Variants in AHI1 observed in about 807,000 individuals in gnomAD.
AHI1 encodes jouberin.
AHI1 carries 123 observed loss-of-function variants against 149.3 expected under a neutral mutation model. That is an observed-to-expected ratio of 0.82 (90% confidence interval 0.71 to 0.96). The LOEUF is 0.96. Among genes scored for constraint, AHI1 ranks in the 40% least tolerant of loss-of-function variants. The pLI, the probability that AHI1 is intolerant of heterozygous loss-of-function variation, is 0.00. For missense variants in AHI1, 1,439 were observed against 1,422.7 expected (o/e 1.01, Z -0.18); for synonymous variants, 475 against 459.8 (o/e 1.03, Z -0.42).
chr6:135,469,090 A>ATAT (rs1791279119), intron 5 of AHI1, among the ~76,000 whole-genome samples: 1 of 152,238 alleles, frequency 6.6e-6, no homozygotes, highest in Admixed American at 6.5e-5. Context: ...TCCCTGACGA[A>ATAT]CACTGATGCA....
chr6:135,470,509 T>C (rs528048472), intron 5 of AHI1, among the ~76,000 whole-genome samples: 238 of 152,254 alleles, frequency 1.6e-3, no homozygotes, highest in South Asian at 8.9e-3. Flanking sequence ...TAAAGATACA[T>C]GCATGCGTAT....
intron 24 of AHI1, among the ~76,000 whole-genome samples, chr6:135,335,966 AG>A (rs1789309053): frequency 6.6e-6 from 1 of 152,010 alleles, no homozygotes; most frequent in Non-Finnish European, 1.5e-5. Flanking sequence ...TAGAAAAATT[AG>A]CTGGGCGTGG....
chr6:135,438,336 CA>C, intron 15 of AHI1, 38 bp downstream of exon 15: 1 of 1,513,216 alleles, frequency 6.6e-7, no homozygotes, highest in East Asian at 2.4e-5. Context: ...TCCTTGACAG[CA>C]AACAGCATGC....
chr6:135,475,601 C>A (rs1053517342), intron 5 of AHI1, among the ~76,000 whole-genome samples: 1 of 152,118 alleles, frequency 6.6e-6, no homozygotes, highest in Non-Finnish European at 1.5e-5. Flanking sequence ...CCCACATAGC[C>A]CTCTACACAA....
At chr6:135,466,932 T>A (rs984102164) in intron 6 of AHI1, among the ~76,000 whole-genome samples, 1 of 151,992 alleles carries the variant, frequency 6.6e-6, no homozygotes, top group Non-Finnish European at 1.5e-5. Context: ...TGTACCTCCT[T>A]CCCCAATTAA....
Position 135,404,967 on chromosome 6 carries a change from CG to C in AHI1, c.2971del (p.Arg991ValfsTer26). The C allele has an allele frequency of 6.2e-7, 1 of 1,607,580 alleles. No individual in the cohort carries two copies. The highest frequency in any genetic ancestry group is 1.1e-5 in the South Asian group (1 of 90,880). On this transcript the variant is annotated frameshift_variant, in exon 22 of 29. Transcript: ENST00000265602. LOFTEE classifies it high-confidence loss of function. ...QRLETVTEVIRSCAAKVNKNL... is the reference protein window; with the variant it reads ...QRLETVTEVIXSCAAKVNKNL... Reference sequence around the variant, plus strand: ...ACTACTTACTTTTGCAGCACAGGAACGTATCACCTCCTAAAAGAAATACAAT... The same window carrying C: ...ACTACTTACTTTTGCAGCACAGGAACTATCACCTCCTAAAAGAAATACAAT...
chr6:135,332,837 G>C (rs527960369), intron 24 of AHI1, among the ~76,000 whole-genome samples: 3 of 152,198 alleles, frequency 2.0e-5, no homozygotes, highest in African/African-American at 7.2e-5. Context: ...TTCTCCCCCC[G>C]TTCCTTCTCT....
chr6:135,301,974 T>C, intron 26 of AHI1: 1 of 984,920 alleles, frequency 1.0e-6, no homozygotes, highest in Non-Finnish European at 1.2e-6. Context: ...GCAGTCAAAT[T>C]AAATGTGAAA....
rs1789163229 is a variant in AHI1, at chr6:135,457,500, T to C, written c.1145A>G (p.Asp382Gly). 3 of 1,608,382 alleles carry C rather than the reference T, an allele frequency of 1.9e-6. No individual in the cohort carries two copies. The highest frequency in any genetic ancestry group is 2.6e-6 in the Non-Finnish European group (3 of 1,176,238). ...TGCAATTAAAAAAAATTACCTATCA[T>C]CTTTCTTGACATATTGACCAGTATG... ...DEHTGQYVKKDDSGRPVSSYY... is the reference protein window; with the variant it reads ...DEHTGQYVKKGDSGRPVSSYY... Residue 382 changes from aspartate to glycine, a missense_variant, in exon 9 of 29, where the codon GAT becomes GGT. Coordinates refer to ENST00000265602, the MANE Select transcript of AHI1 (RefSeq NM_001134831.2).
intron 23 of AHI1, among the ~76,000 whole-genome samples, chr6:135,359,432 C>A (rs114642827): frequency 0.026 from 3,999 of 152,140 alleles, 153 homozygotes; most frequent in African/African-American, 0.089. Flanking sequence ...GTAATAAAAT[C>A]TTTAAGGTAA....
At chr6:135,422,987 C>A (rs1225360434) in intron 20 of AHI1, among the ~76,000 whole-genome samples, 1 of 152,094 alleles carries the variant, frequency 6.6e-6, no homozygotes, top group African/African-American at 2.4e-5. Context: ...TAGCTTAATG[C>A]ACTGAGAACA....
chr6:135,341,591 T>C (rs1008742822), intron 24 of AHI1, among the ~76,000 whole-genome samples: 13 of 151,966 alleles, frequency 8.6e-5, no homozygotes, highest in African/African-American at 3.1e-4. Context: ...TAAAACTTAT[T>C]TAAATAAATA....
At chr6:135,354,991 T>C (rs541614629) in intron 24 of AHI1, among the ~76,000 whole-genome samples, 150 of 152,302 alleles carry the variant, frequency 9.8e-4, no homozygotes, top group African/African-American at 3.2e-3. Flanking sequence ...TCTGCAATAC[T>C]AAACGCCAGA....
At chr6:135,345,948 A>G (rs982950547) in intron 24 of AHI1, among the ~76,000 whole-genome samples, 1 of 152,246 alleles carries the variant, frequency 6.6e-6, no homozygotes, top group Non-Finnish European at 1.5e-5. Flanking sequence ...TCCATGTCAG[A>G]GAAGACAACC....
At chr6:135,402,830 AAT>A (rs1443688076) in intron 22 of AHI1, among the ~76,000 whole-genome samples, 3 of 152,106 alleles carry the variant, frequency 2.0e-5, no homozygotes, top group African/African-American at 4.8e-5. Context: ...TAACACATAA[AAT>A]ATGTGTTAAC....
At chr6:135,353,384 C>T (rs957589749) in intron 24 of AHI1, among the ~76,000 whole-genome samples, 3 of 151,984 alleles carry the variant, frequency 2.0e-5, no homozygotes, top group African/African-American at 7.2e-5. Context: ...CCCATTCACC[C>T]CAGTTTACAT....
At chr6:135,447,360 G>A (rs1480533365) in intron 12 of AHI1, among the ~76,000 whole-genome samples, 200 bp from the exon 13 acceptor site, 1 of 151,984 alleles carries the variant, frequency 6.6e-6, no homozygotes, top group Non-Finnish European at 1.5e-5. Flanking sequence ...TAACCAAAAA[G>A]CCATAAAAAT....
At chr6:135,442,934 G>A (rs1250359162) in intron 13 of AHI1, among the ~76,000 whole-genome samples, 1 of 152,032 alleles carries the variant, frequency 6.6e-6, no homozygotes, top group African/African-American at 2.4e-5. Context: ...TGTTTAAGTA[G>A]TACTTAATTC....
chr6:135,338,081 T>C, intron 24 of AHI1, among the ~76,000 whole-genome samples: 1 of 152,022 alleles, frequency 6.6e-6, no homozygotes, highest in East Asian at 1.9e-4. Context: ...GTGGATCACC[T>C]GAGGTCAGGA....
Sources: gnomAD v4.1 joint callset for allele counts (sites outside exome capture counted in the v4.1 genomes callset) on GRCh38, gnomAD v4.1.1 for gene constraint, MANE v1.5 for transcripts, NCBI Gene and HGNC (gene_info 2026-07-23, HGNC 2026-07-21) for gene names.